SNX6: variants seen among roughly 807,000 people sequenced by gnomAD.
The protein encoded by SNX6 is sorting nexin-6.
SNX6 carries 34 observed loss-of-function variants against 63.0 expected under a neutral mutation model. That is an observed-to-expected ratio of 0.54 (90% CI 0.41 to 0.72). The LOEUF (loss-of-function observed/expected upper bound fraction) is 0.72. Ranked by LOEUF, SNX6 falls within the 30% of genes least tolerant of loss-of-function variation. The pLI, the probability that SNX6 is intolerant of heterozygous loss-of-function variation, is 0.00. For missense variants in SNX6, 398 were observed against 471.4 expected, an observed-to-expected ratio of 0.84 and a Z score of 1.44; for synonymous variants, 170 against 164.2, an observed-to-expected ratio of 1.04 and a Z score of -0.27.
At chr14:34,584,753 A>AT (rs1594711867) in intron 9 of SNX6, among the ~76,000 whole-genome samples, 4 of 150,284 alleles carry the variant, frequency 2.7e-5, no homozygotes, top group East Asian at 3.9e-4. Flanking sequence ...GAAGAAAAAA[A>AT]AATATATATA....
chr14:34,570,824 TGC>T (rs1881418824), intron 11 of SNX6, among the ~76,000 whole-genome samples: 1 of 148,452 alleles, frequency 6.7e-6, no homozygotes, highest in Non-Finnish European at 1.5e-5. Flanking sequence ...CCCGGGTTCA[TGC>T]CATTCTCCTG....
rs547227326 is a variant in SNX6 at position 34,595,423 on chromosome 14, C to T, written c.612+2127G>A. ...AAGTGCTAGGATTATAGGCGTGAGC[C>T]ACTGTGCCCGGCCACAGTTTTCTTA... On this transcript the variant is annotated intron_variant, in intron 7 of 13. Transcript: ENST00000362031. Among the ~76,000 whole-genome samples the T allele has an allele frequency of 2.4e-4, 36 of 152,286 alleles. No individual in the cohort carries two copies. In the South Asian group the frequency reaches 6.6e-3, roughly 28 times the overall value.
intron 8 of SNX6, among the ~76,000 whole-genome samples, chr14:34,591,570 A>G (rs1268524953): frequency 2.0e-5 from 3 of 152,054 alleles, no homozygotes; most frequent in African/African-American, 7.2e-5. Flanking sequence ...ATTGCACTCC[A>G]GCCTGGGCAA....
chr14:34,603,051 G>A (rs1449334469), intron 6 of SNX6, among the ~76,000 whole-genome samples: 1 of 151,716 alleles, frequency 6.6e-6, no homozygotes, highest in African/African-American at 2.4e-5. Context: ...GCCGAGGTGG[G>A]TGGATCATGA....
rs551843511 is a variant in SNX6 at position 34,568,754 on chromosome 14, G to T, written c.922-741C>A. On this transcript the variant is annotated intron_variant, in intron 11 of 13. Transcript: ENST00000362031. Reference sequence around the variant, plus strand: ...CTGTCCAGATCTCTCTGTCCCTGACGTGTCAGTTTGCGGCCCCCATCTTGG... The same window carrying T: ...CTGTCCAGATCTCTCTGTCCCTGACTTGTCAGTTTGCGGCCCCCATCTTGG... 1.7e-4 allele frequency: 149 copies of T among 883,784 alleles called. No individual in the cohort carries two copies. The South Asian group carries it at 1.7e-3, about 10-fold the overall frequency. 54.7% of individuals were successfully genotyped at this position (883,784 alleles called of 1,614,324 possible). A position where few individuals can be genotyped will look rare whatever the true frequency, so the allele number is the denominator to read the frequency against.
At chr14:34,628,483 G>A (rs1260008119) in intron 2 of SNX6, among the ~76,000 whole-genome samples, 1 of 151,976 alleles carries the variant, frequency 6.6e-6, no homozygotes, top group Non-Finnish European at 1.5e-5. Context: ...CAAAAACCCA[G>A]CTAGGCATGG....
chr14:34,592,340 G>A (rs984070634), intron 8 of SNX6, among the ~76,000 whole-genome samples: 1 of 152,058 alleles, frequency 6.6e-6, no homozygotes, highest in Non-Finnish European at 1.5e-5. Context: ...AGTGAGCTGA[G>A]ATTGCACCGC....
At chr14:34,585,385 T>C (rs1326978097) in intron 9 of SNX6, among the ~76,000 whole-genome samples, 1 of 151,848 alleles carries the variant, frequency 6.6e-6, no homozygotes, top group African/African-American at 2.4e-5. Flanking sequence ...CCAGGCATGG[T>C]GGCAGGCACC....
intron 6 of SNX6, among the ~76,000 whole-genome samples, chr14:34,603,106 T>A (rs1882887580): frequency 6.7e-6 from 1 of 149,774 alleles, no homozygotes; most frequent in Non-Finnish European, 1.5e-5. Flanking sequence ...TGAAACACCA[T>A]CTTTACTTCA....
intron 10 of SNX6, 39 bp from the exon 11 acceptor site, chr14:34,575,881 T>C: frequency 8.6e-7 from 1 of 1,163,246 alleles, no homozygotes; most frequent in Non-Finnish European, 1.2e-6. Flanking sequence ...AATCAACAAC[T>C]ACATTCTCCT....
At chr14:34,628,519 C>A (rs1883915343) in intron 2 of SNX6, among the ~76,000 whole-genome samples, 1 of 152,156 alleles carries the variant, frequency 6.6e-6, no homozygotes, top group East Asian at 1.9e-4. Context: ...GTCCCAGCTA[C>A]TTGGGAGGCT....
intron 8 of SNX6, among the ~76,000 whole-genome samples, chr14:34,592,136 C>T (rs1194511099): frequency 6.6e-6 from 1 of 152,104 alleles, no homozygotes; most frequent in Admixed American, 6.6e-5. Flanking sequence ...GCCTGTAATC[C>T]CTGCACTTTG....
chr14:34,567,646 A>G, intron 13 of SNX6, 40 bp downstream of exon 13: 4 of 1,439,636 alleles, frequency 2.8e-6, no homozygotes. Context: ...TTTCTATATT[A>G]CATGTAACTT....
chr14:34,568,678 C>T lies in SNX6; in HGVS notation c.922-665G>A, dbSNP rs531193912. 7.7e-6 allele frequency: 7 copies of T among 904,024 alleles called. No individual in the cohort carries two copies. The East Asian group carries it at 1.5e-4, about 20-fold the overall frequency. The allele number at this position is 904,024 out of a possible 1,614,324, so 56.0% of individuals were successfully genotyped here. On this transcript the variant is annotated intron_variant, in intron 11 of 13. Coordinates refer to ENST00000362031, the MANE Select transcript of SNX6 (RefSeq NM_152233.4). ...CGAATGAGGCAATTTATTAACCCAG[C>T]ATGGTTTGTTCTAATGCTTCTTGTT... is the stretch of plus-strand genomic sequence containing the variant.
chr14:34,617,215 G>A (rs1197494296), intron 2 of SNX6, among the ~76,000 whole-genome samples: 1 of 152,128 alleles, frequency 6.6e-6, no homozygotes, highest in Non-Finnish European at 1.5e-5. Context: ...TCAGAGGCTA[G>A]GTTAAACATG....
chr14:34,604,522 G>C (rs1006082373), intron 5 of SNX6, among the ~76,000 whole-genome samples: 1 of 152,060 alleles, frequency 6.6e-6, no homozygotes, highest in Non-Finnish European at 1.5e-5. Context: ...GAAGAGAAGA[G>C]GAAATGCATG....
chr14:34,580,478 A>G (rs1260937496), intron 10 of SNX6, among the ~76,000 whole-genome samples: 1 of 150,538 alleles, frequency 6.6e-6, no homozygotes, highest in African/African-American at 2.4e-5. Context: ...ATTTTTGGTA[A>G]CTTTTGTAGA....
At chr14:34,590,140 A>C (rs1009664524) in intron 8 of SNX6, among the ~76,000 whole-genome samples, 7 of 151,706 alleles carry the variant, frequency 4.6e-5, no homozygotes, top group African/African-American at 1.5e-4. Context: ...AACAAGAATA[A>C]AGCTGGGGCC....
At chr14:34,628,986 G>T (rs1883932949) in intron 2 of SNX6, among the ~76,000 whole-genome samples, 1 of 152,076 alleles carries the variant, frequency 6.6e-6, no homozygotes, top group African/African-American at 2.4e-5. Flanking sequence ...GGCTCTTTCT[G>T]AAGTAGAATG....
Sources: allele counts gnomAD v4.1 joint callset (sites outside exome capture counted in the v4.1 genomes callset), GRCh38; gene constraint gnomAD v4.1.1; transcripts MANE v1.5; gene names NCBI Gene and HGNC (gene_info 2026-07-23, HGNC 2026-07-21).